Variants in EPB41L3 observed in about 807,000 individuals in gnomAD.
The protein encoded by EPB41L3 is erythrocyte membrane protein band 4.1 like 3.
A neutral mutation model predicts 127.1 loss-of-function variants in EPB41L3; 57 were observed. The ratio of observed to expected loss-of-function variants is 0.45; its 90% confidence interval spans 0.36 to 0.56. EPB41L3 has a LOEUF of 0.56. EPB41L3 is among the 20% of genes least tolerant of loss of function. The pLI, the probability that EPB41L3 is intolerant of heterozygous loss-of-function variation, is 0.00. For synonymous variants in EPB41L3, 572 were observed against 549.5 expected (o/e 1.04, Z -0.57); for missense variants, 1,273 against 1,372.2 (o/e 0.93, Z 1.14).
chr18:5,576,491 A>G (rs1445822679), intron 3 of EPB41L3, among the ~76,000 whole-genome samples: 1 of 152,244 alleles, frequency 6.6e-6, no homozygotes, highest in African/African-American at 2.4e-5. Flanking sequence ...AGGTTTCAAC[A>G]AAAGAGCCTA....
At chr18:5,483,917 GAA>G (rs1424895081) in intron 2 of EPB41L3, among the ~76,000 whole-genome samples, 1 of 150,948 alleles carries the variant, frequency 6.6e-6, no homozygotes, top group Non-Finnish European at 1.5e-5. Flanking sequence ...CATCCAGACA[GAA>G]AATCAACAAA....
At chr18:5,467,962 C>A (rs1185595744) in intron 3 of EPB41L3, among the ~76,000 whole-genome samples, 2 of 152,112 alleles carry the variant, frequency 1.3e-5, no homozygotes, top group African/African-American at 4.8e-5. Flanking sequence ...GGTACAGGAA[C>A]CCCCCTGCCC....
intron 5 of EPB41L3, 74 bp downstream of exon 5, chr18:5,443,764 T>C: frequency 8.1e-7 from 1 of 1,241,990 alleles, no homozygotes; most frequent in Non-Finnish European, 1.2e-6. Context: ...CACTTAGGTA[T>C]GGGCTACCAA....
intron 14 of EPB41L3, among the ~76,000 whole-genome samples, chr18:5,409,284 T>G (rs1483899637): frequency 6.6e-6 from 1 of 152,218 alleles, no homozygotes; most frequent in African/African-American, 2.4e-5. Context: ...ATAATACATT[T>G]TAAAACTACT....
intron 3 of EPB41L3, among the ~76,000 whole-genome samples, chr18:5,553,006 A>G (rs1283872024): frequency 6.6e-6 from 1 of 152,242 alleles, no homozygotes; most frequent in Non-Finnish European, 1.5e-5. Flanking sequence ...TTTAGAGTAC[A>G]ATAATATACT....
Position 5,397,654 on chromosome 18 carries a change from C to T in EPB41L3, c.2473-228G>A, listed in dbSNP as rs955566690. On this transcript the variant is annotated intron_variant, in intron 17 of 22. Coordinates refer to ENST00000341928, the MANE Select transcript of EPB41L3 (RefSeq NM_012307.5). This position sits in a 1 kb window ranked among gnomAD's most constrained non-coding sequence, Gnocchi z 4.1. ...ACCTGCGCTGCTGCTTCAGGACATC[C>T]GCAAAACAAACGGAAGGCAGGATAA... Among the ~76,000 whole-genome samples the T allele has an allele frequency of 2.0e-5, 3 of 152,102 alleles. No individual in the cohort carries two copies. The highest frequency in any genetic ancestry group is 6.5e-5 in the Admixed American group (1 of 15,268).
At chr18:5,552,592 G>A (rs570782186) in intron 3 of EPB41L3, among the ~76,000 whole-genome samples, 5 of 152,266 alleles carry the variant, frequency 3.3e-5, no homozygotes, top group Admixed American at 3.3e-4. Flanking sequence ...TTTTCCCCAG[G>A]TGTGTTCAGG....
rs1598966555 is a variant in EPB41L3, at chr18:5,559,698, G to C, written c.-306+52642C>G. On this transcript the variant is annotated intron_variant, in intron 3 of 21. Coordinates refer to the EPB41L3 transcript ENST00000545076. ...ATTTGATGTAATTTGAAACCCTCTT[G>C]CAGTTCATATCAATCATACAACATT... Among the ~76,000 whole-genome samples the C allele has an allele frequency of 1.3e-5, 2 of 152,120 alleles. 1 individual carries two copies. Among genetic ancestry groups the C allele is most frequent in the Middle Eastern group, 6.8e-3 (2 of 292 alleles).
intron 3 of EPB41L3, among the ~76,000 whole-genome samples, chr18:5,602,385 G>A (rs758199771): frequency 1.3e-5 from 2 of 152,224 alleles, no homozygotes; most frequent in Non-Finnish European, 2.9e-5. Context: ...GGAAGGTGAT[G>A]CTAATCCACT....
rs146769985 is a variant in EPB41L3, at chr18:5,423,328, TC to T, written c.1339+49del. On this transcript the variant is annotated intron_variant, in intron 11 of 22. Transcript: ENST00000341928. ...CTGAAAGCTCATGACAGTTTCACAT[TC>T]TTTTTGGGGTAGGTACTAGGTTATT... The T allele has an allele frequency of 2.0e-3, 3,024 of 1,480,678 alleles. 52 individuals are homozygous for T. The African/African-American group carries it at 0.036, about 18-fold the overall frequency. 91.7% of individuals were successfully genotyped at this position (1,480,678 alleles called of 1,614,324 possible).
At chr18:5,423,114 G>A (rs900639567) in intron 11 of EPB41L3, among the ~76,000 whole-genome samples, 1 of 152,108 alleles carries the variant, frequency 6.6e-6, no homozygotes, top group Non-Finnish European at 1.5e-5. Context: ...CAAATTCAGG[G>A]TGTCAGCTTA....
chr18:5,600,539 C>T (rs1259213116), intron 3 of EPB41L3, among the ~76,000 whole-genome samples: 2 of 152,112 alleles, frequency 1.3e-5, no homozygotes, highest in Non-Finnish European at 2.9e-5. Flanking sequence ...ATACTACTTA[C>T]ATCCATATTA....
rs1291404948 is a variant in EPB41L3, at chr18:5,543,401, C to CCCGCCAG, written c.-12+505_-12+511dup. On this transcript the variant is annotated intron_variant, in intron 1 of 22. Coordinates refer to ENST00000341928, the MANE Select transcript of EPB41L3 (RefSeq NM_012307.5). The surrounding 1 kb of genome is among the most constrained non-coding windows in gnomAD (Gnocchi z 5.2). ...GCTGAGCGCAGGGCCCCTCCCGCGG[C>CCCGCCAG]CCGCCAGCCGCCACCCGCCCGGGCG... 2.7e-5 allele frequency: 4 copies of CCCGCCAG among 147,392 alleles called. No individual in the cohort carries two copies. Among genetic ancestry groups the CCCGCCAG allele is most frequent in the Non-Finnish European group, 4.5e-5 (3 of 66,288 alleles). The allele number at this position is 147,392 out of a possible 1,614,324, so 9.1% of individuals were successfully genotyped here.
At chr18:5,507,997 T>G (rs930209571) in intron 1 of EPB41L3, among the ~76,000 whole-genome samples, 1 of 152,226 alleles carries the variant, frequency 6.6e-6, no homozygotes, top group African/African-American at 2.4e-5. Context: ...ACTGAAAATC[T>G]GAGCTTGGGA....
At chr18:5,415,753 TA>T in intron 13 of EPB41L3, 64 bp downstream of exon 13, 1 of 1,486,208 alleles carries the variant, frequency 6.7e-7, no homozygotes. Flanking sequence ...AGCAGCCAGC[TA>T]ACACTGTTTC....
At chr18:5,508,704 T>C (rs911758865) in intron 1 of EPB41L3, among the ~76,000 whole-genome samples, 1 of 147,780 alleles carries the variant, frequency 6.8e-6, no homozygotes, top group Non-Finnish European at 1.5e-5. Flanking sequence ...GAGGTGGAGG[T>C]TGCAGTGAGC....
At chr18:5,465,584 C>T (rs2084810900) in intron 3 of EPB41L3, among the ~76,000 whole-genome samples, 1 of 152,014 alleles carries the variant, frequency 6.6e-6, no homozygotes, top group African/African-American at 2.4e-5. Context: ...GTGGAAATTC[C>T]ATAACTTTAA....
intron 1 of EPB41L3, among the ~76,000 whole-genome samples, chr18:5,517,001 G>A (rs894934263): frequency 6.6e-6 from 1 of 152,164 alleles, no homozygotes; most frequent in African/African-American, 2.4e-5. Context: ...GAGTCTCACA[G>A]ATGCATGTGA....
At chr18:5,481,680 A>G (rs976010326) in intron 2 of EPB41L3, among the ~76,000 whole-genome samples, 1 of 152,210 alleles carries the variant, frequency 6.6e-6, no homozygotes, top group Admixed American at 6.5e-5. Context: ...CAAAGGAGAC[A>G]CTGAATCAGA....
Sources: allele counts gnomAD v4.1 joint callset (sites outside exome capture counted in the v4.1 genomes callset), GRCh38; gene constraint gnomAD v4.1.1; non-coding constraint Gnocchi (gnomAD v3.1); transcripts MANE v1.5; gene names NCBI Gene and HGNC (gene_info 2026-07-23, HGNC 2026-07-21).